The following PPP3CA variants were observed in gnomAD, a reference collection of about 807,000 sequenced individuals.
The protein encoded by PPP3CA is protein phosphatase 3 catalytic subunit alpha.
In PPP3CA, 14 loss-of-function variants were observed where a neutral mutation model predicts 66.5. That is an observed-to-expected ratio of 0.21 (90% CI 0.14 to 0.33). The LOEUF is 0.33. Among genes scored for constraint, PPP3CA ranks in the 10% least tolerant of loss-of-function variants. PPP3CA has a pLI of 1.00. For synonymous variants in PPP3CA, 232 were observed against 226.2 expected (o/e 1.03, Z -0.23); for missense variants, 317 against 639.5 (o/e 0.50, Z 5.44).
At chr4:101,317,067 C>G (rs1038298673) in intron 1 of PPP3CA, among the ~76,000 whole-genome samples, 15 of 151,818 alleles carry the variant, frequency 9.9e-5, no homozygotes, top group Admixed American at 2.0e-4. Context: ...CATTTACCTC[C>G]CCACTTCACT....
intron 1 of PPP3CA, among the ~76,000 whole-genome samples, chr4:101,260,141 G>A (rs902006508): frequency 2.0e-5 from 3 of 152,048 alleles, no homozygotes; most frequent in Non-Finnish European, 4.4e-5. Flanking sequence ...TGAATACGGG[G>A]CAAATCGTAT....
intron 1 of PPP3CA, among the ~76,000 whole-genome samples, chr4:101,268,691 T>C (rs1007048727): frequency 6.6e-5 from 10 of 152,160 alleles, no homozygotes; most frequent in East Asian, 5.8e-4. Context: ...ATATTATTTA[T>C]ACTTGCTGGA....
intron 2 of PPP3CA, among the ~76,000 whole-genome samples, chr4:101,170,438 A>C (rs917725103): frequency 6.6e-6 from 1 of 152,184 alleles, no homozygotes; most frequent in African/African-American, 2.4e-5. Context: ...AGAGAGCATC[A>C]GTCAGAATTT....
intron 11 of PPP3CA, among the ~76,000 whole-genome samples, chr4:101,036,360 T>A (rs1458912439): frequency 1.3e-5 from 2 of 152,216 alleles, no homozygotes; most frequent in Non-Finnish European, 2.9e-5. Context: ...CAGCTTACAT[T>A]GCTGTACTCT....
At position 101,045,757 on chromosome 4, in the gene PPP3CA, T is replaced by C. The variant is rs534233731; in HGVS notation, c.1157-5191A>G. Reference sequence around the variant, plus strand: ...AACAAGAAGTTTAGATATTAGCATGTATGCAACAGAGTTAAATAAAACTTA... The same window carrying C: ...AACAAGAAGTTTAGATATTAGCATGCATGCAACAGAGTTAAATAAAACTTA... On this transcript the variant is annotated intron_variant, in intron 10 of 13. Coordinates refer to ENST00000394854, the MANE Select transcript of PPP3CA (RefSeq NM_000944.5). Among the ~76,000 whole-genome samples, 6 of 152,302 alleles carry C rather than the reference T, an allele frequency of 3.9e-5. No individual in the cohort carries two copies. In the East Asian group the frequency reaches 7.7e-4, roughly 20 times the overall value.
At chr4:101,044,256 T>A (rs1727665353) in intron 10 of PPP3CA, among the ~76,000 whole-genome samples, 4 of 152,172 alleles carry the variant, frequency 2.6e-5, no homozygotes, top group South Asian at 2.1e-4. Context: ...ATTAAAACTC[T>A]TTTTCAAAAA....
intron 1 of PPP3CA, among the ~76,000 whole-genome samples, chr4:101,238,689 A>G (rs1471659420): frequency 1.3e-5 from 2 of 152,084 alleles, no homozygotes; most frequent in Non-Finnish European, 2.9e-5. Flanking sequence ...TTCAAGAATC[A>G]ATATTTATCT....
At chr4:101,134,658 G>A (rs1003029240) in intron 2 of PPP3CA, among the ~76,000 whole-genome samples, 1 of 152,224 alleles carries the variant, frequency 6.6e-6, no homozygotes, top group Non-Finnish European at 1.5e-5. Flanking sequence ...AACCATTGTG[G>A]AAGACAGTGT....
At chr4:101,279,638 A>G (rs1407112595) in intron 1 of PPP3CA, among the ~76,000 whole-genome samples, 1 of 152,188 alleles carries the variant, frequency 6.6e-6, no homozygotes, top group African/African-American at 2.4e-5. Context: ...ATCAGCTTCA[A>G]CTGAGCAGCC....
At chr4:101,281,455 GAGA>G in intron 1 of PPP3CA, among the ~76,000 whole-genome samples, 2 of 152,200 alleles carry the variant, frequency 1.3e-5, no homozygotes, top group Non-Finnish European at 2.9e-5. Flanking sequence ...AAGAGGGGGT[GAGA>G]TCCAGTAAAG....
intron 3 of PPP3CA, among the ~76,000 whole-genome samples, chr4:101,106,044 G>C (rs919748792): frequency 2.0e-5 from 3 of 152,032 alleles, no homozygotes; most frequent in Admixed American, 2.0e-4. Flanking sequence ...ACCCAGGCCA[G>C]AATACAGGTT....
At chr4:101,234,240 T>C (rs1419209603) in intron 1 of PPP3CA, among the ~76,000 whole-genome samples, 1 of 151,910 alleles carries the variant, frequency 6.6e-6, no homozygotes, top group Non-Finnish European at 1.5e-5. Flanking sequence ...GAATAATATC[T>C]ATTCCTTTGG....
intron 6 of PPP3CA, among the ~76,000 whole-genome samples, chr4:101,092,370 T>C (rs1729990418): frequency 6.6e-6 from 1 of 152,064 alleles, no homozygotes; most frequent in African/African-American, 2.4e-5. Context: ...GGTAAAACTT[T>C]TAAATGTGAT....
At chr4:101,128,742 T>C (rs963362367) in intron 2 of PPP3CA, among the ~76,000 whole-genome samples, 25 of 152,206 alleles carry the variant, frequency 1.6e-4, no homozygotes, top group African/African-American at 6.0e-4. Context: ...CCCACGGCCT[T>C]TGCGACCCAT....
intron 1 of PPP3CA, among the ~76,000 whole-genome samples, chr4:101,260,430 T>A (rs1309317278): frequency 2.6e-5 from 4 of 152,164 alleles, no homozygotes; most frequent in Non-Finnish European, 5.9e-5. Context: ...GATAAAATCA[T>A]TCCTTAAAAT....
At chr4:101,205,569 G>GAA (rs112502297) in intron 1 of PPP3CA, among the ~76,000 whole-genome samples, 12 of 150,006 alleles carry the variant, frequency 8.0e-5, no homozygotes, top group African/African-American at 2.4e-4. Context: ...AAGTTGATAG[G>GAA]AAAAAAAAAA....
chr4:101,151,437 G>A lies in PPP3CA; in HGVS notation c.260-42359C>T, dbSNP rs541858202. Among the ~76,000 whole-genome samples the A allele has an allele frequency of 1.5e-4, 23 of 151,490 alleles. No homozygotes were observed. In the East Asian group the frequency reaches 4.4e-3, roughly 29 times the overall value. On this transcript the variant is annotated intron_variant, in intron 2 of 13. Coordinates refer to ENST00000394854, the MANE Select transcript of PPP3CA (RefSeq NM_000944.5). ...TAGCTGAGCGTGGTGGCGGACTCCTGTAGTCCCAGCTACTCTGAAGGTTGA... is the reference window on the plus strand; with the variant it reads ...TAGCTGAGCGTGGTGGCGGACTCCTATAGTCCCAGCTACTCTGAAGGTTGA...
rs146666767 is a variant in PPP3CA at position 101,148,849 on chromosome 4, G to T, written c.260-39771C>A. Among the ~76,000 whole-genome samples, 3 of 152,108 alleles carry T rather than the reference G, an allele frequency of 2.0e-5. No individual in the cohort carries two copies. In the East Asian group the frequency reaches 5.8e-4, roughly 29 times the overall value. Reference sequence around the variant, plus strand: ...TATGTTTGTTAAAAAGAGTAAAGCTGGCAAATCTCTCAGAATATCCTATTA... The same window carrying T: ...TATGTTTGTTAAAAAGAGTAAAGCTTGCAAATCTCTCAGAATATCCTATTA... On this transcript the variant is annotated intron_variant, in intron 2 of 13. Transcript: ENST00000394854.
At position 101,063,137 on chromosome 4, in the gene PPP3CA, G is replaced by T. The variant is rs576899027; in HGVS notation, c.1081+95C>A. ...ATTGTACAACTTGTGAATTTTATTG[G>T]CTGGGCCAAAGTTCTTCTCTTTCTG... is the stretch of plus-strand genomic sequence containing the variant. On this transcript the variant is annotated intron_variant, in intron 9 of 13. Coordinates refer to ENST00000394854, the MANE Select transcript of PPP3CA (RefSeq NM_000944.5). 97 of 1,405,400 alleles carry T rather than the reference G, an allele frequency of 6.9e-5. 1 individual carries two copies. In the South Asian group the frequency reaches 1.4e-3, roughly 20 times the overall value. The allele number at this position is 1,405,400 out of a possible 1,614,324, so 87.1% of individuals were successfully genotyped here.
Sources: allele counts gnomAD v4.1 joint callset (sites outside exome capture counted in the v4.1 genomes callset), GRCh38; gene constraint gnomAD v4.1.1; transcripts MANE v1.5; gene names NCBI Gene and HGNC (gene_info 2026-07-23, HGNC 2026-07-21).